The following ARHGEF10 variants were observed in gnomAD, a reference collection of about 807,000 sequenced individuals.
ARHGEF10 encodes Rho guanine nucleotide exchange factor (GEF) 10.
In ARHGEF10, 140 loss-of-function variants were observed where a neutral mutation model predicts 147.4. That is an observed-to-expected ratio of 0.95 (90% confidence interval 0.83 to 1.09). The LOEUF (loss-of-function observed/expected upper bound fraction) is 1.09. Ranked by LOEUF, ARHGEF10 falls within the 50% of genes least tolerant of loss-of-function variation. ARHGEF10 has a pLI of 0.00. For missense variants in ARHGEF10, 2,222 were observed against 1,752.7 expected (o/e 1.27, Z -4.78); for synonymous variants, 902 against 695.8 (o/e 1.30, Z -4.67).
In ARHGEF10 at chr8:1,858,048, G is replaced by T. The variant is rs761312396; in HGVS notation, c.126G>T (p.Ala42=). The T allele has an allele frequency of 6.2e-7, 1 of 1,614,122 alleles. No individual in the cohort carries two copies. The highest frequency in any genetic ancestry group is 2.2e-5 in the East Asian group (1 of 44,876). The part of the protein sequence containing the change: ...DFDSGDEIPE[A]DRQAPSAPET... ...ACAGTGGAGATGAAATCCCAGAAGC[G>T]GACAGACAGGCCCCATCCGCCCCTG... The change falls in exon 3 of 29, where the codon GCG becomes GCT. Residue 42 remains alanine, a synonymous_variant. Coordinates refer to ENST00000349830, the MANE Select transcript of ARHGEF10 (RefSeq NM_014629.4).
chr8:1,952,572 C>T, intron 27 of ARHGEF10, 133 bp from the exon 28 acceptor site: 1 of 1,248,124 alleles, frequency 8.0e-7, no homozygotes, highest in South Asian at 1.3e-5. Flanking sequence ...TTTGGGAACT[C>T]CTGTGCCACA....
chr8:1,876,719 C>G lies in ARHGEF10; in HGVS notation c.828C>G (p.Ser276Arg). The G allele has an allele frequency of 1.9e-6, 3 of 1,614,172 alleles. No homozygotes were observed. The highest frequency in any genetic ancestry group is 2.2e-5 in the South Asian group (2 of 91,084). ...GGATTCCCAGGTCCTTCCTGCGCAG[C>G]AACCACAAAAAGCAAGTACGTGTTC... The part of the protein sequence containing the change: ...KNGIPRSFLR[S>R]NHKKQLSHDL... The change falls in exon 8 of 29, where the codon AGC becomes AGG. Residue 276 changes from serine to arginine, a missense_variant. Physicochemically the swap from Ser to Arg is moderately radical, Grantham distance 110. Transcript: ENST00000349830.
rs115577918 is a variant in ARHGEF10, at chr8:1,877,087, G to C, written c.843+353G>C. 5.6e-3 allele frequency among the ~76,000 whole-genome samples: 850 copies of C among 152,346 alleles called. 6 individuals are homozygous for C. The highest frequency in any genetic ancestry group is 0.019 in the African/African-American group (788 of 41,578). On this transcript the variant is annotated intron_variant, in intron 8 of 28. Transcript: ENST00000349830. ...GGAACACTGAATAGATGGGATCGGG[G>C]TTCCCTAAGACACAGCACATCTGCA... is the stretch of plus-strand genomic sequence containing the variant.
At position 1,834,933 on chromosome 8, in the gene ARHGEF10, G is replaced by A. The variant is rs560822653; in HGVS notation, c.-47-8420G>A. Among the ~76,000 whole-genome samples the A allele has an allele frequency of 1.3e-4, 20 of 152,304 alleles. No homozygotes were observed. The South Asian group carries it at 2.7e-3, about 21-fold the overall frequency. ...AGCCGGCTCCCGGCCCCAAGCTCCC[G>A]GGGTCTGTCCGCGGGGCCACTTCAC... On this transcript the variant is annotated intron_variant, in intron 1 of 28. Coordinates refer to ENST00000349830, the MANE Select transcript of ARHGEF10 (RefSeq NM_014629.4).
chr8:1,898,987 C>T (rs531618969), intron 15 of ARHGEF10, among the ~76,000 whole-genome samples: 9 of 152,226 alleles, frequency 5.9e-5, no homozygotes, highest in Non-Finnish European at 1.2e-4. Flanking sequence ...TTAAACAAAA[C>T]ATACCCATCA....
intron 18 of ARHGEF10, among the ~76,000 whole-genome samples, chr8:1,917,525 C>T (rs1418522267): frequency 1.3e-5 from 2 of 152,144 alleles, no homozygotes; most frequent in South Asian, 2.1e-4. Flanking sequence ...CCTTGTTTGC[C>T]GCACAAATTC....
At chr8:1,951,777 C>T (rs1304921693) in intron 27 of ARHGEF10, among the ~76,000 whole-genome samples, 4 of 152,210 alleles carry the variant, frequency 2.6e-5, no homozygotes, top group African/African-American at 9.7e-5. Context: ...GTGAAGGCCG[C>T]GATGCTGACG....
At chr8:1,854,885 T>A (rs1471929810) in intron 2 of ARHGEF10, among the ~76,000 whole-genome samples, 1 of 151,968 alleles carries the variant, frequency 6.6e-6, no homozygotes, top group Admixed American at 6.6e-5. Flanking sequence ...ACGCATGCGG[T>A]TCTTCTCAGG....
chr8:1,864,174 G>A (rs1188502939), intron 4 of ARHGEF10, among the ~76,000 whole-genome samples, 199 bp from the exon 5 acceptor site: 1 of 152,116 alleles, frequency 6.6e-6, no homozygotes, highest in Admixed American at 6.5e-5. Context: ...GCCCTCAGTA[G>A]ATCACATTTT....
intron 22 of ARHGEF10, among the ~76,000 whole-genome samples, 185 bp downstream of exon 22, chr8:1,925,589 C>T (rs562163939): frequency 1.6e-4 from 25 of 152,332 alleles, no homozygotes; most frequent in African/African-American, 5.1e-4. Flanking sequence ...CCTAAAAAAA[C>T]GCCCAGCCAT....
chr8:1,929,543 C>T, intron 25 of ARHGEF10, 100 bp downstream of exon 25: 2 of 1,420,658 alleles, frequency 1.4e-6, no homozygotes, highest in Non-Finnish European at 9.4e-7. Context: ...CCTCCTGCCT[C>T]CCGCCCCTGT....
chr8:1,841,907 GGCGGGA>G (rs1804086162), intron 1 of ARHGEF10, among the ~76,000 whole-genome samples: 2 of 107,052 alleles, frequency 1.9e-5, no homozygotes, highest in African/African-American at 8.3e-5. Context: ...CTGGGGCCGC[GGCGGGA>G]ACTGGGGCCG....
At chr8:1,854,757 T>G (rs530086177) in intron 2 of ARHGEF10, among the ~76,000 whole-genome samples, 6 of 152,366 alleles carry the variant, frequency 3.9e-5, no homozygotes, top group African/African-American at 1.4e-4. Flanking sequence ...TGAAGCTTGC[T>G]CATCTGCTCG....
At chr8:1,839,273 G>A (rs1158816066) in intron 1 of ARHGEF10, among the ~76,000 whole-genome samples, 3 of 148,958 alleles carry the variant, frequency 2.0e-5, no homozygotes, top group Admixed American at 6.7e-5. Flanking sequence ...ACTGTCTGGT[G>A]TGGAAGCTGT....
intron 18 of ARHGEF10, among the ~76,000 whole-genome samples, chr8:1,921,384 C>T (rs546594925): frequency 1.3e-5 from 2 of 152,288 alleles, no homozygotes; most frequent in East Asian, 1.9e-4. Flanking sequence ...ATTTGTGGGA[C>T]GTAGCATAGA....
intron 26 of ARHGEF10, among the ~76,000 whole-genome samples, chr8:1,942,455 C>T (rs1048363497): frequency 1.7e-4 from 26 of 151,686 alleles, no homozygotes; most frequent in Non-Finnish European, 8.8e-5. Context: ...TTAGTGGAGC[C>T]AGCACGCACT....
chr8:1,954,092 A>G (rs2129291758), intron 28 of ARHGEF10, among the ~76,000 whole-genome samples: 1 of 151,902 alleles, frequency 6.6e-6, no homozygotes, highest in South Asian at 2.1e-4. Flanking sequence ...GAAATGCTCC[A>G]ATTTTTTTTT....
chr8:1,922,923 T>A, intron 18 of ARHGEF10, 41 bp from the exon 19 acceptor site: 1 of 1,431,238 alleles, frequency 7.0e-7, no homozygotes, highest in Non-Finnish European at 9.8e-7. Flanking sequence ...AATATGGCTT[T>A]ACCTTTGTAT....
chr8:1,876,191 T>C, intron 7 of ARHGEF10: 2 of 296,106 alleles, frequency 6.8e-6, no homozygotes, highest in South Asian at 7.6e-5. Flanking sequence ...CATTTCTCTC[T>C]GTCTAATTTT....
Sources: gnomAD v4.1 joint callset for allele counts (sites outside exome capture counted in the v4.1 genomes callset) on GRCh38, gnomAD v4.1.1 for gene constraint, MANE v1.5 for transcripts, NCBI Gene and HGNC (gene_info 2026-07-23, HGNC 2026-07-21) for gene names.